Variants in TRHDE observed in about 807,000 individuals in gnomAD.
TRHDE encodes thyrotropin releasing hormone degrading enzyme.
Under a neutral mutation model 125.7 loss-of-function variants are expected in TRHDE, and 72 were observed. The observed-to-expected ratio is 0.57, with a 90% CI of 0.47 to 0.70. The LOEUF (loss-of-function observed/expected upper bound fraction) is 0.70. Among genes scored for constraint, TRHDE ranks in the 30% least tolerant of loss-of-function variants. The pLI is 0.00. For missense variants in TRHDE, 1,110 were observed against 1,327.1 expected (o/e 0.84, Z 2.54); for synonymous variants, 509 against 509.1 (o/e 1.00, Z 0.00).
At chr12:72,518,737 G>A (rs1159419446) in intron 6 of TRHDE, among the ~76,000 whole-genome samples, 2 of 152,120 alleles carry the variant, frequency 1.3e-5, no homozygotes, top group Non-Finnish European at 2.9e-5. Flanking sequence ...TTTCTTCCTA[G>A]CCTCGATGGT....
chr12:72,551,013 A>G (rs924600096), intron 7 of TRHDE, among the ~76,000 whole-genome samples: 9 of 152,074 alleles, frequency 5.9e-5, no homozygotes, highest in Middle Eastern at 3.4e-3. Flanking sequence ...TATAACATTT[A>G]TCCATGTGTC....
chr12:72,205,644 G>T (rs1235929224), intron 2 of TRHDE, among the ~76,000 whole-genome samples: 1 of 152,064 alleles, frequency 6.6e-6, no homozygotes, highest in African/African-American at 2.4e-5. Context: ...TTCACTTAAC[G>T]TAATATCTTC....
intron 3 of TRHDE, among the ~76,000 whole-genome samples, chr12:72,445,853 C>CT (rs1565744419): frequency 6.6e-6 from 1 of 151,908 alleles, no homozygotes; most frequent in Non-Finnish European, 1.5e-5. Context: ...TGCTTGCTTT[C>CT]TTTTTTCCCC....
chr12:72,447,744 G>A (rs575371835), intron 3 of TRHDE, among the ~76,000 whole-genome samples: 158 of 152,072 alleles, frequency 1.0e-3, no homozygotes, highest in South Asian at 3.5e-3. Flanking sequence ...AAAAAAGATT[G>A]ATGCTTGAGC....
intron 2 of TRHDE, among the ~76,000 whole-genome samples, chr12:72,239,230 G>A (rs996416959): frequency 2.2e-5 from 2 of 91,324 alleles, no homozygotes; most frequent in African/African-American, 3.7e-5. Flanking sequence ...CCCACTTTTT[G>A]ATTTTTTTTT....
chr12:72,323,293 C>T (rs1869183481), intron 2 of TRHDE, among the ~76,000 whole-genome samples: 1 of 152,118 alleles, frequency 6.6e-6, no homozygotes, highest in African/African-American at 2.4e-5. Flanking sequence ...GGCAGAGTGG[C>T]TTATTAGAAT....
At chr12:72,469,233 T>C (rs1224758892) in intron 3 of TRHDE, among the ~76,000 whole-genome samples, 1 of 152,152 alleles carries the variant, frequency 6.6e-6, no homozygotes, top group Non-Finnish European at 1.5e-5. Context: ...ATCAGAGCTT[T>C]CCCTGTAAGA....
chr12:72,132,794 C>T (rs778557760), intron 2 of TRHDE, among the ~76,000 whole-genome samples: 4 of 152,182 alleles, frequency 2.6e-5, no homozygotes, highest in Non-Finnish European at 5.9e-5. Context: ...TCTTTCAGGA[C>T]AGACTGATAG....
At chr12:72,241,022 G>A (rs943287897) in intron 2 of TRHDE, among the ~76,000 whole-genome samples, 6 of 144,400 alleles carry the variant, frequency 4.2e-5, no homozygotes, top group African/African-American at 1.5e-4. Context: ...TGTGCCTATA[G>A]TGATCACTGG....
At chr12:72,211,867 A>T (rs1406585544) in intron 2 of TRHDE, among the ~76,000 whole-genome samples, 1 of 152,184 alleles carries the variant, frequency 6.6e-6, no homozygotes, top group Non-Finnish European at 1.5e-5. Flanking sequence ...TGTCACAAGT[A>T]CTTGCTCTTA....
chr12:72,323,808 A>G (rs530588451), intron 2 of TRHDE, among the ~76,000 whole-genome samples: 1 of 148,370 alleles, frequency 6.7e-6, no homozygotes, highest in South Asian at 2.2e-4. Context: ...GGGTTCTTGC[A>G]AGATGAAATT....
In TRHDE at chr12:72,295,946, C is replaced by T. The variant is rs560583708; in HGVS notation, c.1188+8992C>T. ...ATCTATTTAGGAATGTAAGTAGAGG[C>T]TTCCTTCCTACCCTAGGAAGTGATA... On this transcript the variant is annotated intron_variant, in intron 2 of 18. Coordinates refer to ENST00000261180, the MANE Select transcript of TRHDE (RefSeq NM_013381.3). Among the ~76,000 whole-genome samples, 6 of 152,262 alleles carry T rather than the reference C, an allele frequency of 3.9e-5. No individual in the cohort carries two copies. In the East Asian group the frequency reaches 7.7e-4, roughly 20 times the overall value.
At chr12:72,379,150 C>T (rs934958656) in intron 3 of TRHDE, among the ~76,000 whole-genome samples, 9 of 152,282 alleles carry the variant, frequency 5.9e-5, no homozygotes, top group Non-Finnish European at 7.4e-5. Context: ...AGAACCAGGC[C>T]GCTTTCATTA....
chr12:72,519,173 C>T lies in TRHDE; in HGVS notation c.1722+19538C>T, dbSNP rs1879044762. Among the ~76,000 whole-genome samples, 3 of 152,022 alleles carry T rather than the reference C, an allele frequency of 2.0e-5. No individual in the cohort carries two copies. The South Asian group carries it at 6.2e-4, about 32-fold the overall frequency. On this transcript the variant is annotated intron_variant, in intron 6 of 18. Coordinates refer to ENST00000261180, the MANE Select transcript of TRHDE (RefSeq NM_013381.3). Reference sequence around the variant, plus strand: ...ATCTTTGTGGCGTTCTCTGTATTTCCTGAATCTGAATGTTGGCCTGCCTTG... The same window carrying T: ...ATCTTTGTGGCGTTCTCTGTATTTCTTGAATCTGAATGTTGGCCTGCCTTG...
chr12:72,498,007 T>G (rs1877990985), intron 5 of TRHDE, among the ~76,000 whole-genome samples: 2 of 152,158 alleles, frequency 1.3e-5, no homozygotes, highest in Admixed American at 1.3e-4. Flanking sequence ...CCTCTTATGG[T>G]CTGGAGAAGC....
At chr12:72,485,688 C>T (rs1189254013) in intron 5 of TRHDE, among the ~76,000 whole-genome samples, 1 of 152,192 alleles carries the variant, frequency 6.6e-6, no homozygotes, top group Non-Finnish European at 1.5e-5. Context: ...AGTCCTGCCC[C>T]ATACAAAGGG....
chr12:72,097,080 C>T (rs2139286261), intron 1 of TRHDE, among the ~76,000 whole-genome samples: 1 of 152,304 alleles, frequency 6.6e-6, no homozygotes. Flanking sequence ...GGATTGTTCT[C>T]TATCAACCCA....
chr12:72,113,453 T>C (rs946169573), intron 2 of TRHDE, among the ~76,000 whole-genome samples: 3 of 151,462 alleles, frequency 2.0e-5, no homozygotes, highest in African/African-American at 7.3e-5. Context: ...GGCGAAACCC[T>C]GTTTCTGCAA....
At chr12:72,242,351 C>T (rs572036583) in intron 2 of TRHDE, among the ~76,000 whole-genome samples, 19 of 152,276 alleles carry the variant, frequency 1.2e-4, no homozygotes, top group African/African-American at 3.6e-4. Flanking sequence ...CCCTGCTCTG[C>T]CACATTTCCA....
Sources: allele counts gnomAD v4.1 joint callset (sites outside exome capture counted in the v4.1 genomes callset), GRCh38; gene constraint gnomAD v4.1.1; transcripts MANE v1.5; gene names NCBI Gene and HGNC (gene_info 2026-07-23, HGNC 2026-07-21).